Variants in DHODH observed in about 807,000 individuals in gnomAD.
DHODH encodes the protein dihydroorotate dehydrogenase (quinone), mitochondrial.
Under a neutral mutation model 39.7 loss-of-function variants are expected in DHODH, and 30 were observed. That is an observed-to-expected ratio of 0.76 (90% CI 0.57 to 1.02). The LOEUF is 1.02. Ranked by LOEUF, DHODH falls within the 50% of genes least tolerant of loss-of-function variation. The pLI is 0.00. For missense variants in DHODH, 531 were observed against 520.8 expected, an observed-to-expected ratio of 1.02 and a Z score of -0.19; for synonymous variants, 222 against 213.8, an observed-to-expected ratio of 1.04 and a Z score of -0.34.
In DHODH at chr16:72,026,162, G is replaced by GC. The variant is rs2041275097; in HGVS notation, c.*1965dup. 2 of 152,448 alleles carry GC rather than the reference G, an allele frequency of 1.3e-5. No individual in the cohort carries two copies. Among genetic ancestry groups the GC allele is most frequent in the Middle Eastern group, 3.4e-3 (1 of 294 alleles). The allele number at this position is 152,448 out of a possible 1,614,324, so 9.4% of individuals were successfully genotyped here. A position where few individuals can be genotyped will look rare whatever the true frequency, so the allele number is the denominator to read the frequency against. Reference sequence around the variant, plus strand: ...CTTTCCTCAGCCTGGGCTCCGACATGCCACGTCAGGTGCCAGCGCACATAC... The same window carrying GC: ...CTTTCCTCAGCCTGGGCTCCGACATGCCCACGTCAGGTGCCAGCGCACATAC... On this transcript the variant is annotated 3_prime_UTR_variant, in exon 9 of 9. Transcript: ENST00000219240.
At chr16:72,017,769 G>GTTTTTTTTTTTTTTT (rs1567571747) in intron 4 of DHODH, among the ~76,000 whole-genome samples, 1 of 71,940 alleles carries the variant, frequency 1.4e-5, no homozygotes, top group Non-Finnish European at 2.6e-5. Context: ...AAAACAACAT[G>GTTTTTTTTTTTTTTT]CTTTTTTTTT....
intron 1 of DHODH, among the ~76,000 whole-genome samples, chr16:72,011,102 TTAA>T (rs1476890888): frequency 6.6e-6 from 1 of 152,202 alleles, no homozygotes; most frequent in Admixed American, 6.5e-5. Flanking sequence ...GTAGTTTATA[TTAA>T]TAATAAAATT....
chr16:72,014,525 G>A lies in DHODH; in HGVS notation c.287G>A (p.Gly96Glu). 1.2e-6 allele frequency: 2 copies of A among 1,614,220 alleles called. No individual in the cohort carries two copies. Among genetic ancestry groups the A allele is most frequent in the Non-Finnish European group, 1.7e-6 (2 of 1,180,042 alleles). ...CGAAATCCAGTAGGAATTGCTGCAGGATTTGACAAGCATGGGGAAGCCGTG... is the reference window on the plus strand; with the variant it reads ...CGAAATCCAGTAGGAATTGCTGCAGAATTTGACAAGCATGGGGAAGCCGTG... ...KFRNPVGIAA[G>E]FDKHGEAVDG... The change falls in exon 3 of 9, where the codon GGA becomes GAA. Residue 96 changes from glycine (G) to glutamate (E), a missense_variant. Gly to Glu is a moderately conservative substitution (Grantham distance 98, BLOSUM62 -2). Coordinates refer to ENST00000219240, the MANE Select transcript of DHODH (RefSeq NM_001361.5).
intron 4 of DHODH, among the ~76,000 whole-genome samples, chr16:72,019,437 TC>T (rs1341107085): frequency 3.3e-5 from 5 of 152,076 alleles, no homozygotes; most frequent in Admixed American, 2.0e-4. Flanking sequence ...TTCTAATTCT[TC>T]CCCCAACTCT....
chr16:72,016,724 G>T (rs2041145562), intron 3 of DHODH: 2 of 398,974 alleles, frequency 5.0e-6, no homozygotes, highest in South Asian at 4.2e-5. Context: ...GCAAGTGAGT[G>T]TGCAATTCTC....
chr16:72,008,918 T>C, intron 1 of DHODH, 133 bp downstream of exon 1: 6 of 1,535,964 alleles, frequency 3.9e-6, no homozygotes, highest in Non-Finnish European at 2.6e-6. Context: ...GTGTGCGTGT[T>C]TCCGGGGTCT....
At chr16:72,024,049 C>CGG in intron 8 of DHODH, 96 bp from the exon 9 acceptor site, 1 of 1,276,434 alleles carries the variant, frequency 7.8e-7, no homozygotes, top group Non-Finnish European at 1.1e-6. Flanking sequence ...GTGCCTGGGC[C>CGG]GGGATGATGC....
At chr16:72,014,731 A>G in intron 3 of DHODH, 59 bp downstream of exon 3, 1 of 1,538,726 alleles carries the variant, frequency 6.5e-7, no homozygotes, top group Non-Finnish European at 9.0e-7. Context: ...GGGCGTTCAG[A>G]GATATAAGAT....
intron 1 of DHODH, chr16:72,008,988 C>T (rs2041051423): frequency 6.8e-7 from 1 of 1,466,194 alleles, no homozygotes; most frequent in Non-Finnish European, 9.0e-7. Flanking sequence ...GTGCAGACAG[C>T]GCCTGCAGGT....
intron 6 of DHODH, 48 bp from the exon 7 acceptor site, chr16:72,023,117 G>A (rs1273129878): frequency 1.2e-6 from 2 of 1,610,008 alleles, no homozygotes; most frequent in Admixed American, 3.3e-5. Context: ...GCGCCTCTGG[G>A]TCCTTCGGTG....
rs1597393352 is a variant in DHODH, at chr16:72,012,185, T to G, written c.157T>G (p.Ser53Ala). 2 of 1,613,946 alleles carry G rather than the reference T, an allele frequency of 1.2e-6. No homozygotes were observed. The highest frequency in any genetic ancestry group is 1.3e-5 in the African/African-American group (1 of 74,962). The change falls in exon 2 of 9, where the codon TCA becomes GCA. Residue 53 changes from serine to alanine, a missense_variant. By Grantham distance (99) the Ser-to-Ala change is moderately conservative (BLOSUM62 1). Coordinates refer to ENST00000219240, the MANE Select transcript of DHODH (RefSeq NM_001361.5). ...PTLQGLLDPESAHRLAVRFTS... is the reference protein window; with the variant it reads ...PTLQGLLDPEAAHRLAVRFTS... ...TCTGCAGGGGCTGCTGGACCCGGAG[T>G]CAGCCCACAGACTGGCTGTTCGCTT...
chr16:72,020,307 ATATATGTGTATATG>A (rs1250444929), intron 4 of DHODH: 1 of 142,986 alleles, frequency 7.0e-6, no homozygotes, highest in African/African-American at 2.7e-5. Context: ...TCCAGTATAT[ATATATGTGTATATG>A]TATATGTGTA....
intron 8 of DHODH, 146 bp from the exon 9 acceptor site, chr16:72,023,999 T>C (rs2041252728): frequency 1.2e-6 from 1 of 864,632 alleles, no homozygotes; most frequent in Non-Finnish European, 2.0e-6. Context: ...GGTAGAAATA[T>C]CCCTAGGTCT....
chr16:72,016,902 C>T, intron 3 of DHODH, 122 bp from the exon 4 acceptor site: 1 of 851,404 alleles, frequency 1.2e-6, no homozygotes. Context: ...GTGTTTAGAC[C>T]CTGGAAGTGT....
chr16:72,016,805 C>T, intron 3 of DHODH: 1 of 522,414 alleles, frequency 1.9e-6, no homozygotes, highest in Non-Finnish European at 3.5e-6. Flanking sequence ...GGGCTGTTTC[C>T]AGTGCTAGCT....
rs1172690597 is a variant in DHODH at position 72,026,233 on chromosome 16, A to G, written c.*2034A>G. 1.3e-5 allele frequency: 2 copies of G among 152,272 alleles called. No individual in the cohort carries two copies. The highest frequency in any genetic ancestry group is 2.9e-5 in the Non-Finnish European group (2 of 68,126). The allele number at this position is 152,272 out of a possible 1,614,324, so 9.4% of individuals were successfully genotyped here. The stretch of plus-strand genomic sequence containing the variant: ...TCTCTGGGCTTTGATGCTCTCTGTG[A>G]GTCATCTGCCCTCCCTTTCCCATGC... On this transcript the variant is annotated 3_prime_UTR_variant, in exon 9 of 9. Transcript: ENST00000219240.
chr16:72,011,513 C>T (rs2041081140), intron 1 of DHODH, among the ~76,000 whole-genome samples: 1 of 152,108 alleles, frequency 6.6e-6, no homozygotes, highest in Non-Finnish European at 1.5e-5. Context: ...TGCCTGTGGT[C>T]CCAGTTACTT....
At chr16:72,012,341 C>A (rs2041093417) in intron 2 of DHODH, 79 bp downstream of exon 2, 18 of 1,349,412 alleles carry the variant, frequency 1.3e-5, no homozygotes, top group Non-Finnish European at 1.8e-5. Context: ...TGGGACTGAT[C>A]TTTTTGAAAA....
At chr16:72,017,140 T>C (rs2041151017) in intron 4 of DHODH, 34 bp downstream of exon 4, 5 of 1,597,068 alleles carry the variant, frequency 3.1e-6, no homozygotes, top group Non-Finnish European at 4.3e-6. Context: ...GCCTTTCTTA[T>C]TTATTAGGAG....
Sources: gnomAD v4.1 joint callset for allele counts (sites outside exome capture counted in the v4.1 genomes callset) on GRCh38, gnomAD v4.1.1 for gene constraint, MANE v1.5 for transcripts, NCBI Gene and HGNC (gene_info 2026-07-23, HGNC 2026-07-21) for gene names.